NECAB1: variants seen among roughly 807,000 people sequenced by gnomAD.
The protein encoded by NECAB1 is N-terminal EF-hand calcium-binding protein 1.
NECAB1 carries 29 observed loss-of-function variants against 57.5 expected under a neutral mutation model. The ratio of observed to expected loss-of-function variants is 0.50; its 90% confidence interval spans 0.38 to 0.69. The LOEUF is 0.69. NECAB1 is among the 30% of genes least tolerant of loss of function. NECAB1 has a pLI of 0.00. For synonymous variants in NECAB1, 142 were observed against 147.7 expected (o/e 0.96, Z 0.28); for missense variants, 372 against 413.8 (o/e 0.90, Z 0.88).
chr8:90,939,454 A>G (rs1204636493), intron 9 of NECAB1, among the ~76,000 whole-genome samples: 1 of 152,264 alleles, frequency 6.6e-6, no homozygotes, highest in African/African-American at 2.4e-5. Flanking sequence ...GCATGAGTTC[A>G]GGAGGGTAGT....
intron 3 of NECAB1, among the ~76,000 whole-genome samples, chr8:90,851,693 T>C (rs1812687269): frequency 2.0e-5 from 3 of 152,132 alleles, no homozygotes; most frequent in Admixed American, 6.5e-5. Flanking sequence ...ACCCCCTGCA[T>C]CCACATATGC....
chr8:90,846,693 G>GC (rs1320315321), intron 3 of NECAB1, among the ~76,000 whole-genome samples: 1 of 152,202 alleles, frequency 6.6e-6, no homozygotes, highest in African/African-American at 2.4e-5. Flanking sequence ...GGCTGGGGAA[G>GC]CCTCACAATC....
Position 90,880,972 on chromosome 8 carries a change from T to G in NECAB1, c.260-61T>G, listed in dbSNP as rs531366330. ...TTAAGGAGTAAATAATTAGTTGATT[T>G]TTTTGTTTTATGGTTACCTAAACTC... is the stretch of plus-strand genomic sequence containing the variant. On this transcript the variant is annotated intron_variant, in intron 4 of 12. Transcript: ENST00000417640. 25 of 1,248,558 alleles carry G rather than the reference T, an allele frequency of 2.0e-5. No homozygotes were observed. The African/African-American group carries it at 3.3e-4, about 17-fold the overall frequency. The allele number at this position is 1,248,558 out of a possible 1,614,324, so 77.3% of individuals were successfully genotyped here. A position where few individuals can be genotyped will look rare whatever the true frequency, so the allele number is the denominator to read the frequency against.
chr8:90,861,146 C>G (rs76250055), intron 3 of NECAB1, among the ~76,000 whole-genome samples: 2,237 of 152,128 alleles, frequency 0.015, 46 homozygotes, highest in African/African-American at 0.051. Context: ...TGTGATGAGG[C>G]CTTTATTACA....
At position 90,859,079 on chromosome 8, in the gene NECAB1, A is replaced by G. The variant is rs116026482; in HGVS notation, c.234-13049A>G. The G allele has an allele frequency of 1.9e-3, 282 of 152,318 alleles. 1 individual carries two copies. Among genetic ancestry groups the G allele is most frequent in the African/African-American group, 6.6e-3 (273 of 41,562 alleles). The allele number at this position is 152,318 out of a possible 1,614,324, so 9.4% of individuals were successfully genotyped here. On this transcript the variant is annotated intron_variant, in intron 3 of 12. Transcript: ENST00000417640. ...CTCACCTTGATGGATACAGATGTCA[A>G]ATTTCAAAGCCTGTCCTTCATAAGT... is the stretch of plus-strand genomic sequence containing the variant.
rs550105470 is a variant in NECAB1, at chr8:90,915,157, C to T, written c.358-2335C>T. 9.2e-5 allele frequency among the ~76,000 whole-genome samples: 14 copies of T among 152,072 alleles called. No individual in the cohort carries two copies. The South Asian group carries it at 1.2e-3, about 14-fold the overall frequency. ...ATTAGTCATAGTATATACTGAGATG[C>T]GAAAATAGTTGGTATAATCCCTGAC... On this transcript the variant is annotated intron_variant, in intron 5 of 12. Coordinates refer to ENST00000417640, the MANE Select transcript of NECAB1 (RefSeq NM_022351.5).
intron 6 of NECAB1, among the ~76,000 whole-genome samples, chr8:90,918,111 G>C (rs969707195): frequency 1.3e-5 from 2 of 150,656 alleles, no homozygotes; most frequent in East Asian, 2.0e-4. Context: ...CCGGGTTCAA[G>C]CAATTCTTGT....
intron 3 of NECAB1, among the ~76,000 whole-genome samples, chr8:90,831,467 G>A (rs1812298206): frequency 6.6e-6 from 1 of 152,086 alleles, no homozygotes; most frequent in Non-Finnish European, 1.5e-5. Flanking sequence ...AAGAGGGCAA[G>A]GGGCATGAAG....
chr8:90,858,961 A>T (rs957684809), intron 3 of NECAB1: 2 of 142,300 alleles, frequency 1.4e-5, no homozygotes, highest in African/African-American at 5.7e-5. Context: ...ATGCCAGTCA[A>T]TTGGGCTTTT....
At chr8:90,845,834 TG>T (rs1188391178) in intron 3 of NECAB1, among the ~76,000 whole-genome samples, 134 of 152,342 alleles carry the variant, frequency 8.8e-4, no homozygotes, top group Middle Eastern at 3.4e-3. Context: ...AAGTGAGGAA[TG>T]GTTTTTGCTT....
At chr8:90,840,020 C>G (rs1302074181) in intron 3 of NECAB1, among the ~76,000 whole-genome samples, 1 of 152,174 alleles carries the variant, frequency 6.6e-6, no homozygotes, top group African/African-American at 2.4e-5. Context: ...ATCTGAATCT[C>G]TAGTCTTTCT....
intron 3 of NECAB1, among the ~76,000 whole-genome samples, chr8:90,829,183 T>G (rs1812267307): frequency 6.6e-6 from 1 of 152,080 alleles, no homozygotes; most frequent in Non-Finnish European, 1.5e-5. Flanking sequence ...AAAATTTGTT[T>G]GTAAAAGAAA....
At chr8:90,953,331 C>T (rs1200345821) in intron 12 of NECAB1, among the ~76,000 whole-genome samples, 1 of 152,200 alleles carries the variant, frequency 6.6e-6, no homozygotes, top group Non-Finnish European at 1.5e-5. Flanking sequence ...CTAGACACTA[C>T]TAGTGTCATT....
intron 5 of NECAB1, among the ~76,000 whole-genome samples, chr8:90,910,662 C>T (rs904289290): frequency 1.3e-5 from 2 of 152,022 alleles, no homozygotes; most frequent in East Asian, 1.9e-4. Context: ...TTGGAGTGAC[C>T]GATTTTAAGA....
intron 11 of NECAB1, 115 bp from the exon 12 acceptor site, chr8:90,950,998 C>G (rs190802000): frequency 4.2e-6 from 2 of 477,912 alleles, no homozygotes; most frequent in Non-Finnish European, 7.2e-6. Flanking sequence ...TATCCAGGAG[C>G]TTATTTAATC....
intron 9 of NECAB1, among the ~76,000 whole-genome samples, chr8:90,937,881 A>C (rs1810576587): frequency 6.6e-6 from 1 of 152,156 alleles, no homozygotes; most frequent in Non-Finnish European, 1.5e-5. Context: ...TCTGCCATAC[A>C]TTCCTAAGGG....
chr8:90,874,892 G>C (rs955210133), intron 4 of NECAB1, among the ~76,000 whole-genome samples: 1 of 151,824 alleles, frequency 6.6e-6, no homozygotes, highest in Admixed American at 6.6e-5. Context: ...GCAGTTTATA[G>C]AAGTGCCAAA....
At chr8:90,839,742 A>G (rs1812426197) in intron 3 of NECAB1, among the ~76,000 whole-genome samples, 1 of 152,224 alleles carries the variant, frequency 6.6e-6, no homozygotes, top group South Asian at 2.1e-4. Flanking sequence ...GCACTGAATC[A>G]GGGTGGAGAG....
In NECAB1 at chr8:90,791,912, C is replaced by T. The variant is rs768797238; in HGVS notation, c.26C>T (p.Pro9Leu). Residue 9 changes from proline to leucine, a missense_variant, in exon 1 of 13, where the codon CCG becomes CTG. Physicochemically the swap from Pro to Leu is moderately conservative, Grantham distance 98. Coordinates refer to ENST00000417640, the MANE Select transcript of NECAB1 (RefSeq NM_022351.5). MEDSQETSPSSNNSSEELS... is the reference protein window; with the variant it reads MEDSQETSLSSNNSSEELS... ...ATGGAAGATTCCCAGGAGACATCGC[C>T]GTCCTCCAACAACTCCTCGGAGGAG... The T allele has an allele frequency of 1.0e-5, 16 of 1,552,020 alleles. No individual in the cohort carries two copies. The highest frequency in any genetic ancestry group is 1.4e-5 in the Non-Finnish European group (16 of 1,147,320).
Sources: allele counts gnomAD v4.1 joint callset (sites outside exome capture counted in the v4.1 genomes callset), GRCh38; gene constraint gnomAD v4.1.1; transcripts MANE v1.5; gene names NCBI Gene and HGNC (gene_info 2026-07-23, HGNC 2026-07-21).